The following TJP1 variants were observed in gnomAD, a reference collection of about 807,000 sequenced individuals.
TJP1 encodes tight junction protein 1, also known as tight junction protein ZO-1.
TJP1 carries 43 observed loss-of-function variants against 194.2 expected under a neutral mutation model. That is an observed-to-expected ratio of 0.22 (90% CI 0.17 to 0.29). The LOEUF (loss-of-function observed/expected upper bound fraction) is 0.29, where lower values mean the gene tolerates loss of function less well. TJP1 is among the 10% of genes least tolerant of loss of function. The probability of loss-of-function intolerance (pLI) is 1.00; values close to 1 mark genes in which losing one functional copy is unlikely to be tolerated. For synonymous variants in TJP1, 801 were observed against 779.0 expected (o/e 1.03, Z -0.47); for missense variants, 1,971 against 2,185.7 (o/e 0.90, Z 1.96).
At chr15:29,885,519 C>T (rs1429978791) in intron 2 of TJP1, among the ~76,000 whole-genome samples, 1 of 152,246 alleles carries the variant, frequency 6.6e-6, no homozygotes, top group African/African-American at 2.4e-5. Flanking sequence ...GGGCTATGGC[C>T]ATGCCATGTG....
chr15:29,827,379 G>A (rs1464790416), upstream of TJP1, among the ~76,000 whole-genome samples: 1 of 152,138 alleles, frequency 6.6e-6, no homozygotes, highest in Admixed American at 6.5e-5. Context: ...AGGGCCCTCT[G>A]ACCGTCTGTA....
intron 2 of TJP1, among the ~76,000 whole-genome samples, chr15:29,929,274 C>A (rs1364773811): frequency 6.6e-6 from 1 of 152,112 alleles, no homozygotes; most frequent in Non-Finnish European, 1.5e-5. Flanking sequence ...GAAATACTTA[C>A]AACTTTAATG....
intron 2 of TJP1, among the ~76,000 whole-genome samples, chr15:29,827,691 T>C (rs1313691467): frequency 1.3e-5 from 2 of 152,210 alleles, no homozygotes; most frequent in Non-Finnish European, 2.9e-5. Context: ...TTCTTTACTC[T>C]GAACATGAAA....
intron 2 of TJP1, among the ~76,000 whole-genome samples, chr15:29,869,015 A>T (rs537711712): frequency 6.6e-6 from 1 of 152,324 alleles, no homozygotes; most frequent in Non-Finnish European, 1.5e-5. Context: ...ATAAAGGTAT[A>T]TTATATTATT....
At chr15:29,959,337 C>T (rs1231864231) in intron 1 of TJP1, among the ~76,000 whole-genome samples, 3 of 151,920 alleles carry the variant, frequency 2.0e-5, no homozygotes, top group Non-Finnish European at 4.4e-5. Context: ...TGCATCTTTC[C>T]AAAAATAACC....
chr15:29,829,170 C>T (rs2050762483), intron 2 of TJP1, among the ~76,000 whole-genome samples: 1 of 152,206 alleles, frequency 6.6e-6, no homozygotes, highest in Non-Finnish European at 1.5e-5. Context: ...TTCCTGCTGA[C>T]TTCCCCTAAT....
upstream of TJP1, among the ~76,000 whole-genome samples, chr15:29,827,183 C>G (rs2050702953): frequency 6.6e-6 from 1 of 152,188 alleles, no homozygotes. Context: ...TTGGCCCAGC[C>G]CGGATTCCAG....
chr15:29,836,730 A>G (rs996262360), intron 2 of TJP1, among the ~76,000 whole-genome samples: 7 of 152,212 alleles, frequency 4.6e-5, no homozygotes, highest in African/African-American at 1.2e-4. Context: ...AGAGGCAACT[A>G]AGTCATGGAG....
chr15:29,799,878 G>A (rs1006268132), intron 2 of TJP1, among the ~76,000 whole-genome samples: 14 of 152,126 alleles, frequency 9.2e-5, no homozygotes, highest in African/African-American at 3.1e-4. Flanking sequence ...TAAAGTGCAA[G>A]GCCAGTATTT....
chr15:29,955,568 T>C (rs1308990724), intron 2 of TJP1, among the ~76,000 whole-genome samples: 3 of 151,270 alleles, frequency 2.0e-5, no homozygotes, highest in Admixed American at 2.0e-4. Flanking sequence ...CAGGGCAACA[T>C]AGTGAGACCC....
chr15:29,761,214 C>A lies in TJP1; in HGVS notation c.935G>T (p.Arg312Leu). Reference sequence around the variant, plus strand: ...TGACCGCTGGTCAGGAGATCGTGACCGGCTGCGGCGGGGAGGCCTATCGTG... The same window carrying A: ...TGACCGCTGGTCAGGAGATCGTGACAGGCTGCGGCGGGGAGGCCTATCGTG... ...RSHDRPPRRSRSRSPDQRSEP... is the reference protein window; with the variant it reads ...RSHDRPPRRSLSRSPDQRSEP... The change falls in exon 8 of 28, where the codon CGG becomes CTG. Residue 312 changes from arginine (R) to leucine (L), a missense_variant. By Grantham distance (102) the Arg-to-Leu change is moderately radical. Around this residue, in one of 5 missense-constraint regions of TJP1, gnomAD observed 192 missense variants for 182.3 expected, o/e 1.05. Transcript: ENST00000614355. 2 of 1,614,036 alleles carry A rather than the reference C, an allele frequency of 1.2e-6. No individual in the cohort carries two copies. The highest frequency in any genetic ancestry group is 1.7e-6 in the Non-Finnish European group (2 of 1,179,988).
intron 2 of TJP1, among the ~76,000 whole-genome samples, chr15:29,908,010 A>G (rs2053874889): frequency 6.9e-6 from 1 of 145,050 alleles, no homozygotes; most frequent in Admixed American, 7.0e-5. Context: ...ACACCGATAG[A>G]AATTTGGAAG....
chr15:29,851,111 C>G (rs2051626251), intron 2 of TJP1, among the ~76,000 whole-genome samples: 2 of 152,032 alleles, frequency 1.3e-5, no homozygotes, highest in South Asian at 4.2e-4. Flanking sequence ...GCATTCCAGC[C>G]TGGGCAACAG....
intron 5 of TJP1, among the ~76,000 whole-genome samples, chr15:29,762,825 C>A (rs2046093265): frequency 6.6e-6 from 1 of 152,088 alleles, no homozygotes; most frequent in South Asian, 2.1e-4. Flanking sequence ...GACTTGAATT[C>A]CTGGGGCCAA....
At chr15:29,749,571 C>G (rs1235447246) in intron 8 of TJP1, among the ~76,000 whole-genome samples, 1 of 152,128 alleles carries the variant, frequency 6.6e-6, no homozygotes, top group Non-Finnish European at 1.5e-5. Flanking sequence ...TCCTAAAGTA[C>G]TCGGTGGCCA....
intron 2 of TJP1, among the ~76,000 whole-genome samples, chr15:29,928,244 G>C (rs546989497): frequency 3.9e-4 from 60 of 152,164 alleles, no homozygotes; most frequent in Non-Finnish European, 7.5e-4. Context: ...GCAGAGAACT[G>C]TAAACCAAAA....
intron 10 of TJP1, chr15:29,741,066 A>AT (rs112684499): frequency 0.12 from 26,458 of 220,328 alleles, 1,312 homozygotes; most frequent in African/African-American, 0.17. Context: ...TCTGAATAGA[A>AT]TTTTTTTTTT....
chr15:29,782,094 C>CTCA (rs2047402191), intron 2 of TJP1, among the ~76,000 whole-genome samples: 1 of 152,126 alleles, frequency 6.6e-6, no homozygotes, highest in Non-Finnish European at 1.5e-5. Flanking sequence ...GCAAAAGCTC[C>CTCA]TTAAGCTGAT....
At chr15:29,937,727 G>A (rs142451507) in intron 2 of TJP1, among the ~76,000 whole-genome samples, 2 of 152,272 alleles carry the variant, frequency 1.3e-5, no homozygotes, top group East Asian at 3.9e-4. Context: ...GCAGCAGCGC[G>A]ACCCTCCAGG....
Sources: allele counts gnomAD v4.1 joint callset (sites outside exome capture counted in the v4.1 genomes callset), GRCh38; gene constraint gnomAD v4.1.1; regional missense constraint gnomAD v4.1.1; transcripts MANE v1.5; gene names NCBI Gene and HGNC (gene_info 2026-07-23, HGNC 2026-07-21).